The following MIA2 variants were observed in gnomAD, a reference collection of about 807,000 sequenced individuals.
The protein encoded by MIA2 is MIA SH3 domain ER export factor 2, also known as melanoma inhibitory activity protein 2.
In MIA2, 127 loss-of-function variants were observed where a neutral mutation model predicts 167.8. The ratio of observed to expected loss-of-function variants is 0.76; its 90% CI spans 0.66 to 0.88. The LOEUF is 0.88. Among genes scored for constraint, MIA2 ranks in the 40% least tolerant of loss-of-function variants. The pLI, the probability that MIA2 is intolerant of heterozygous loss-of-function variation, is 0.00. For missense variants in MIA2, 1,690 were observed against 1,624.7 expected, an observed-to-expected ratio of 1.04 and a Z score of -0.69; for synonymous variants, 552 against 541.9, an observed-to-expected ratio of 1.02 and a Z score of -0.26.
intron 21 of MIA2, among the ~76,000 whole-genome samples, chr14:39,317,021 T>G (rs1464740600): frequency 6.6e-6 from 1 of 152,114 alleles, no homozygotes; most frequent in Non-Finnish European, 1.5e-5. Flanking sequence ...CTAAGGTAGA[T>G]AAAGGTTATC....
At chr14:39,352,938 C>T (rs1408779611), downstream of MIA2, among the ~76,000 whole-genome samples, 5 of 152,116 alleles carry the variant, frequency 3.3e-5, no homozygotes, top group African/African-American at 9.7e-5. Flanking sequence ...TTAGGGTCTT[C>T]AAGTTGTACA....
intron 6 of MIA2, among the ~76,000 whole-genome samples, chr14:39,257,155 C>T (rs544580946): frequency 9.2e-5 from 14 of 152,232 alleles, no homozygotes; most frequent in East Asian, 7.7e-4. Context: ...TTTTCTGTCT[C>T]GTTGATCTGT....
chr14:39,239,834 A>G (rs2053960392), intron 2 of MIA2, among the ~76,000 whole-genome samples: 1 of 152,206 alleles, frequency 6.6e-6, no homozygotes, highest in Admixed American at 6.5e-5. Context: ...ACAGTCTGTC[A>G]GTTTCCAAAT....
intron 23 of MIA2, among the ~76,000 whole-genome samples, chr14:39,378,275 AAGT>A (rs2075083010): frequency 6.6e-6 from 1 of 152,232 alleles, no homozygotes; most frequent in Non-Finnish European, 1.5e-5. Flanking sequence ...GTTAAACAAA[AAGT>A]CATAAAAGAT....
chr14:39,250,713 T>TGC (rs2054529580), intron 4 of MIA2, among the ~76,000 whole-genome samples: 1 of 34,544 alleles, frequency 2.9e-5, no homozygotes, highest in Non-Finnish European at 5.0e-5. Flanking sequence ...AATATGCATA[T>TGC]ATATATATAT....
At position 39,247,786 on chromosome 14, in the gene MIA2, A is replaced by T. The variant is rs145761265; in HGVS notation, c.1212A>T (p.Glu404Asp). The T allele has an allele frequency of 1.3e-5, 21 of 1,613,494 alleles. No homozygotes were observed. Among genetic ancestry groups the T allele is most frequent in the Non-Finnish European group, 1.8e-5 (21 of 1,179,936 alleles). ...KIMLDDRKNEEDGGADEHEHP... is the reference protein window; with the variant it reads ...KIMLDDRKNEDDGGADEHEHP... ...TGTTAGATGACAGGAAAAATGAAGA[A>T]GATGGTGGGGCAGATGAACATGAAC... Residue 404 changes from glutamate to aspartate, a missense_variant, in exon 4 of 29, where the codon GAA becomes GAT. Transcript: ENST00000640607.
In MIA2 at chr14:39,383,036, C is replaced by A. The variant is rs538782732; in HGVS notation, c.2249-3849C>A. Among the ~76,000 whole-genome samples, 8 of 136,122 alleles carry A rather than the reference C, an allele frequency of 5.9e-5. No homozygotes were observed. In the South Asian group the frequency reaches 1.9e-3, roughly 33 times the overall value. The allele number at this position is 136,122 out of a possible 152,430, so 89.3% of individuals were successfully genotyped here. A position where few individuals can be genotyped will look rare whatever the true frequency, so the allele number is the denominator to read the frequency against. On this transcript the variant is annotated intron_variant, in intron 23 of 23. Coordinates refer to the MIA2 transcript ENST00000341502. ...CCTTCTGTGGGTCCTGATACAATTC[C>A]CAAACAATGGTGGAAATTATAAAGA...
intron 14 of MIA2, 138 bp downstream of exon 14, chr14:39,300,124 C>A: frequency 9.5e-7 from 1 of 1,056,276 alleles, no homozygotes; most frequent in Non-Finnish European, 1.3e-6. Context: ...TCAAATGTTT[C>A]TTGAAGACTT....
At chr14:39,276,033 G>A (rs995782381) in intron 6 of MIA2, among the ~76,000 whole-genome samples, 6 of 152,158 alleles carry the variant, frequency 3.9e-5, no homozygotes, top group Non-Finnish European at 8.8e-5. Flanking sequence ...TTGGGTTAAA[G>A]CCTGAAAAGA....
chr14:39,354,367 T>G (rs1472705100), downstream of MIA2, among the ~76,000 whole-genome samples: 1 of 152,258 alleles, frequency 6.6e-6, no homozygotes, highest in Non-Finnish European at 1.5e-5. Context: ...TGTCTTCTTT[T>G]GAGAAGTGTC....
intron 6 of MIA2, among the ~76,000 whole-genome samples, chr14:39,262,744 T>A (rs904139863): frequency 6.6e-6 from 1 of 152,224 alleles, no homozygotes; most frequent in Non-Finnish European, 1.5e-5. Flanking sequence ...CCTTGTAAAT[T>A]GGATTCCTAG....
At chr14:39,274,431 C>CTTTTTTTTTTT (rs547198743) in intron 6 of MIA2, among the ~76,000 whole-genome samples, 1 of 136,986 alleles carries the variant, frequency 7.3e-6, no homozygotes, top group African/African-American at 2.7e-5. Flanking sequence ...TTCTTTTTTT[C>CTTTTTTTTTTT]TTTTTTTTTT....
At chr14:39,307,373 T>C (rs995960987) in intron 17 of MIA2, among the ~76,000 whole-genome samples, 8 of 142,690 alleles carry the variant, frequency 5.6e-5, no homozygotes, top group Admixed American at 4.3e-4. Flanking sequence ...CTATAAATAA[T>C]AACAAAAGTT....
At chr14:39,291,205 A>G (rs2152823840) in intron 10 of MIA2, 109 bp downstream of exon 10, 2 of 862,330 alleles carry the variant, frequency 2.3e-6, no homozygotes, top group Non-Finnish European at 3.4e-6. Context: ...GTGAAAGAGC[A>G]TCTCTGGATG....
intron 6 of MIA2, chr14:39,267,009 C>T: frequency 1.1e-6 from 1 of 932,624 alleles, no homozygotes; most frequent in Non-Finnish European, 1.3e-6. Context: ...TCCCAAGCCT[C>T]TCCACTACCA....
At chr14:39,386,157 ATGT>A (rs2075270561) in intron 23 of MIA2, 4 of 1,351,088 alleles carry the variant, frequency 3.0e-6, no homozygotes, top group Non-Finnish European at 4.2e-6. Flanking sequence ...AAATAGGAAG[ATGT>A]TGTTCCAGAG....
intron 23 of MIA2, among the ~76,000 whole-genome samples, chr14:39,384,735 C>T (rs1156340988): frequency 6.6e-6 from 1 of 152,190 alleles, no homozygotes; most frequent in African/African-American, 2.4e-5. Context: ...ACAGCCAGTC[C>T]TCTCACCTAA....
chr14:39,346,140 A>G (rs961397365), intron 26 of MIA2, 114 bp downstream of exon 26: 1 of 801,006 alleles, frequency 1.2e-6, no homozygotes, highest in Non-Finnish European at 2.1e-6. Context: ...TAAGGCCAAA[A>G]TCTCTTTCCT....
chr14:39,387,090 C>T (rs2075284507), exon 24 of MIA2: 4 of 607,378 alleles, frequency 6.6e-6, no homozygotes, highest in African/African-American at 1.9e-5. Flanking sequence ...CTAACTGTCT[C>T]GGAGGCTGCC....
Sources: gnomAD v4.1 joint callset for allele counts (sites outside exome capture counted in the v4.1 genomes callset) on GRCh38, gnomAD v4.1.1 for gene constraint, MANE v1.5 for transcripts, NCBI Gene and HGNC (gene_info 2026-07-23, HGNC 2026-07-21) for gene names.